SUGCT: variants seen among roughly 807,000 people sequenced by gnomAD.
SUGCT encodes the protein succinyl-CoA:glutarate CoA-transferase.
SUGCT carries 41 observed loss-of-function variants against 55.0 expected under a neutral mutation model. That is an observed-to-expected ratio of 0.74 (90% CI 0.58 to 0.97). SUGCT has a LOEUF of 0.97. Ranked by LOEUF, SUGCT falls within the 50% of genes least tolerant of loss-of-function variation. SUGCT has a pLI of 0.00. For missense variants in SUGCT, 568 were observed against 547.8 expected, an observed-to-expected ratio of 1.04 and a Z score of -0.37; for synonymous variants, 187 against 200.4, an observed-to-expected ratio of 0.93 and a Z score of 0.56.
In SUGCT at chr7:40,418,785, C is replaced by T. The variant is rs372674616; in HGVS notation, c.817-30502C>T. ...AGGGTCTTTAAATGAAGAGAATCAT[C>T]TTTTCAGTTTCAAAACAGAGGAAAT... On this transcript the variant is annotated intron_variant, in intron 9 of 13. Transcript: ENST00000335693. Among the ~76,000 whole-genome samples, 132 of 152,290 alleles carry T rather than the reference C, an allele frequency of 8.7e-4. 1 individual carries two copies. The highest frequency in any genetic ancestry group is 3.0e-3 in the African/African-American group (125 of 41,566).
At chr7:40,183,228 G>A (rs953905314) in intron 3 of SUGCT, among the ~76,000 whole-genome samples, 9 of 152,156 alleles carry the variant, frequency 5.9e-5, no homozygotes, top group East Asian at 3.9e-4. Flanking sequence ...AGCCGAGGTC[G>A]TGCCACTGCA....
chr7:40,698,715 T>A (rs897892538), intron 12 of SUGCT, among the ~76,000 whole-genome samples: 2 of 152,236 alleles, frequency 1.3e-5, no homozygotes, highest in Non-Finnish European at 2.9e-5. Flanking sequence ...TACATTTTAC[T>A]ATCCACATAA....
At chr7:40,242,927 A>ATATATATATATATATATATATATG (rs1789520179) in intron 7 of SUGCT, among the ~76,000 whole-genome samples, 5 of 27,284 alleles carry the variant, frequency 1.8e-4, no homozygotes, top group African/African-American at 6.6e-4. Context: ...ATATATATAT[A>ATATATATATATATATATATATATG]TATATATTTT....
intron 11 of SUGCT, among the ~76,000 whole-genome samples, chr7:40,467,398 A>G (rs1351345412): frequency 1.3e-5 from 2 of 152,080 alleles, no homozygotes; most frequent in Non-Finnish European, 2.9e-5. Context: ...ACATCATTAT[A>G]ATGGGGGTAT....
intron 9 of SUGCT, among the ~76,000 whole-genome samples, chr7:40,345,755 G>T (rs1419559069): frequency 1.3e-5 from 2 of 152,046 alleles, no homozygotes; most frequent in African/African-American, 2.4e-5. Context: ...GATATTGATA[G>T]AAAGTAAATT....
chr7:40,137,789 C>T (rs1399575014), intron 1 of SUGCT, among the ~76,000 whole-genome samples: 1 of 151,998 alleles, frequency 6.6e-6, no homozygotes. Context: ...TCAAGCAATC[C>T]TTCCACCTCA....
the SUGCT span, among the ~76,000 whole-genome samples, chr7:41,016,137 G>A: frequency 6.6e-6 from 1 of 152,150 alleles, no homozygotes; most frequent in East Asian, 1.9e-4. Flanking sequence ...CTATCCAAAG[G>A]CTTTGTAAGG....
intron 9 of SUGCT, among the ~76,000 whole-genome samples, chr7:40,372,230 C>G (rs2151256653): frequency 6.6e-6 from 1 of 152,008 alleles, no homozygotes; most frequent in East Asian, 1.9e-4. Context: ...GTGACTTCAT[C>G]TGTCAGGTGT....
At chr7:40,773,287 C>T (rs950757198) in intron 13 of SUGCT, among the ~76,000 whole-genome samples, 6 of 151,884 alleles carry the variant, frequency 4.0e-5, no homozygotes, top group Non-Finnish European at 8.8e-5. Context: ...TGCCACCACG[C>T]CCACGTAATT....
the SUGCT span, among the ~76,000 whole-genome samples, chr7:40,885,029 A>G: frequency 5.9e-5 from 9 of 152,112 alleles, no homozygotes; most frequent in Admixed American, 3.9e-4. Flanking sequence ...AATTCCTGTT[A>G]TATGCATTAA....
chr7:40,523,189 T>C (rs1328089217), intron 12 of SUGCT, among the ~76,000 whole-genome samples: 2 of 152,080 alleles, frequency 1.3e-5, no homozygotes, highest in East Asian at 1.9e-4. Context: ...TTTTATATGA[T>C]ATTATTGGAT....
intron 6 of SUGCT, among the ~76,000 whole-genome samples, chr7:40,213,744 T>C (rs1473653796): frequency 3.9e-5 from 6 of 152,212 alleles, no homozygotes; most frequent in Non-Finnish European, 8.8e-5. Flanking sequence ...TATTGACTTA[T>C]GTATATTTGT....
intron 12 of SUGCT, among the ~76,000 whole-genome samples, chr7:40,690,253 A>G (rs962718153): frequency 1.3e-5 from 2 of 152,162 alleles, no homozygotes; most frequent in African/African-American, 4.8e-5. Context: ...TGTATTCACA[A>G]TATCATTATA....
At chr7:40,795,557 C>T (rs1563009305) in intron 13 of SUGCT, among the ~76,000 whole-genome samples, 1 of 152,116 alleles carries the variant, frequency 6.6e-6, no homozygotes, top group Non-Finnish European at 1.5e-5. Context: ...GGTTCCATAT[C>T]TTGAACTGAA....
chr7:40,405,128 T>G (rs1242949980), intron 9 of SUGCT, among the ~76,000 whole-genome samples: 1 of 152,188 alleles, frequency 6.6e-6, no homozygotes, highest in Non-Finnish European at 1.5e-5. Context: ...CAGATACCCC[T>G]CAACAGCAGA....
At chr7:40,662,440 G>T (rs988088581) in intron 12 of SUGCT, among the ~76,000 whole-genome samples, 1 of 152,120 alleles carries the variant, frequency 6.6e-6, no homozygotes, top group Non-Finnish European at 1.5e-5. Context: ...ATTATCATAG[G>T]CTTCAAGGTC....
intron 1 of SUGCT, among the ~76,000 whole-genome samples, chr7:40,151,971 T>C (rs1417587492): frequency 1.3e-5 from 2 of 152,110 alleles, no homozygotes; most frequent in African/African-American, 4.8e-5. Flanking sequence ...AGCTTTCTTT[T>C]GTTTCTGGGT....
chr7:40,959,324 C>T, the SUGCT span, among the ~76,000 whole-genome samples: 2 of 152,196 alleles, frequency 1.3e-5, no homozygotes, highest in Non-Finnish European at 2.9e-5. Flanking sequence ...ATCTATAAAC[C>T]CCTGACTGCG....
intron 13 of SUGCT, among the ~76,000 whole-genome samples, chr7:40,808,761 G>T (rs1416322328): frequency 6.6e-6 from 1 of 152,178 alleles, no homozygotes; most frequent in African/African-American, 2.4e-5. Flanking sequence ...TGTAATTGTT[G>T]TCTCTTGGAG....
Sources: gnomAD v4.1 joint callset for allele counts (sites outside exome capture counted in the v4.1 genomes callset) on GRCh38, gnomAD v4.1.1 for gene constraint, MANE v1.5 for transcripts, NCBI Gene and HGNC (gene_info 2026-07-23, HGNC 2026-07-21) for gene names.